The following MYO5B variants were observed in gnomAD, a reference collection of about 807,000 sequenced individuals.
MYO5B encodes the protein myosin VB.
In MYO5B, 143 loss-of-function variants were observed where a neutral mutation model predicts 229.3. The ratio of observed to expected loss-of-function variants is 0.62; its 90% confidence interval spans 0.54 to 0.72. The LOEUF (loss-of-function observed/expected upper bound fraction) is 0.72, where lower values mean the gene tolerates loss of function less well. Ranked by LOEUF, MYO5B falls within the 30% of genes least tolerant of loss-of-function variation. The pLI, the probability that MYO5B is intolerant of heterozygous loss-of-function variation, is 0.00. For synonymous variants in MYO5B, 918 were observed against 885.2 expected, an observed-to-expected ratio of 1.04 and a Z score of -0.66; for missense variants, 2,321 against 2,331.0, an observed-to-expected ratio of 1.00 and a Z score of 0.09.
rs2025570912 is a variant in MYO5B at position 49,962,484 on chromosome 18, T to A, written c.1405-78A>T. ...CACCTCCCCCAGGGGCTCAGTGAGT[T>A]CTGGGTTCTGGAGGACAGCAGAGAA... On this transcript the variant is annotated intron_variant, in intron 11 of 39. Coordinates refer to ENST00000285039, the MANE Select transcript of MYO5B (RefSeq NM_001080467.3). 3 of 1,589,824 alleles carry A rather than the reference T, an allele frequency of 1.9e-6. No homozygotes were observed. In the African/African-American group the frequency reaches 4.0e-5, roughly 21 times the overall value.
chr18:50,192,254 C>T (rs573443657), intron 1 of MYO5B, among the ~76,000 whole-genome samples: 35 of 152,314 alleles, frequency 2.3e-4, no homozygotes, highest in African/African-American at 8.4e-4. Flanking sequence ...AGATCAACTG[C>T]AGACAACAGC....
intron 7 of MYO5B, 67 bp downstream of exon 7, chr18:49,990,371 GC>G (rs1456774107): frequency 1.6e-5 from 21 of 1,337,136 alleles, no homozygotes; most frequent in African/African-American, 4.3e-5. Context: ...TTTGAGCAGA[GC>G]CCCCAGCTGT....
chr18:49,884,469 T>C (rs1220474272), intron 22 of MYO5B, among the ~76,000 whole-genome samples: 1 of 151,914 alleles, frequency 6.6e-6, no homozygotes, highest in African/African-American at 2.4e-5. Context: ...GATGGTCCTA[T>C]CTGGGGGTGA....
At chr18:49,927,738 A>G (rs2025145775) in intron 17 of MYO5B, among the ~76,000 whole-genome samples, 1 of 152,238 alleles carries the variant, frequency 6.6e-6, no homozygotes, top group Non-Finnish European at 1.5e-5. Flanking sequence ...CTCTACAAAA[A>G]TCAACTCAAG....
At position 49,992,302 on chromosome 18, in the gene MYO5B, T is replaced by C; in HGVS notation, c.742A>G (p.Arg248Gly). 6.2e-7 allele frequency: 1 copy of C among 1,614,210 alleles called. No homozygotes were observed. The highest frequency in any genetic ancestry group is 8.5e-7 in the Non-Finnish European group (1 of 1,180,018). ...CTCCCACTCACCTGGAAGACCACTC[T>C]GGACTTCTCCAAGAGGTAAGTCCTC... Reference protein sequence around the residue: ...NMRTYLLEKSRVVFQADDERN... With the variant: ...NMRTYLLEKSGVVFQADDERN... The change falls in exon 6 of 40, where the codon AGA becomes GGA. Residue 248 changes from arginine (R) to glycine (G), a missense_variant. By Grantham distance (125) the Arg-to-Gly change is moderately radical. Transcript: ENST00000285039.
intron 1 of MYO5B, among the ~76,000 whole-genome samples, chr18:50,150,583 A>G (rs2032582770): frequency 6.6e-6 from 1 of 152,014 alleles, no homozygotes; most frequent in Admixed American, 6.6e-5. Flanking sequence ...TATCGCAAGA[A>G]CAAAAAACCA....
chr18:50,028,109 G>A (rs915159487), intron 4 of MYO5B, among the ~76,000 whole-genome samples: 5 of 152,162 alleles, frequency 3.3e-5, no homozygotes, highest in African/African-American at 9.7e-5. Context: ...TTTCAGGGAT[G>A]TATACTATAC....
chr18:49,834,638 A>T (rs2023963737), intron 39 of MYO5B, among the ~76,000 whole-genome samples: 1 of 152,078 alleles, frequency 6.6e-6, no homozygotes, highest in Non-Finnish European at 1.5e-5. Context: ...CTAAAAGCAA[A>T]TATTGTCTTT....
At position 49,929,734 on chromosome 18, in the gene MYO5B, C is replaced by G. The variant is rs112394894; in HGVS notation, c.2004-136G>C. 4 of 784,662 alleles carry G rather than the reference C, an allele frequency of 5.1e-6. No homozygotes were observed. The Admixed American group carries it at 8.5e-5, about 17-fold the overall frequency. The allele number at this position is 784,662 out of a possible 1,614,324, so 48.6% of individuals were successfully genotyped here. A position where few individuals can be genotyped will look rare whatever the true frequency, so the allele number is the denominator to read the frequency against. On this transcript the variant is annotated intron_variant, in intron 16 of 39. Transcript: ENST00000285039. Reference sequence around the variant, plus strand: ...CACTGAGTTACAGCCACTGAGTTACCCTTGAGCTCAAGTCAGGGATTAGGC... The same window carrying G: ...CACTGAGTTACAGCCACTGAGTTACGCTTGAGCTCAAGTCAGGGATTAGGC...
chr18:50,068,435 C>G (rs576992601), intron 1 of MYO5B, among the ~76,000 whole-genome samples: 104 of 152,326 alleles, frequency 6.8e-4, no homozygotes, highest in African/African-American at 2.4e-3. Flanking sequence ...GGCTCCAAGG[C>G]CTTCCTGGGG....
chr18:50,194,936 TTCCCGCAGGCGCCGCGGCCGGCTCGC>T lies in MYO5B; in HGVS notation c.-169_-144del, dbSNP rs1156826588. The T allele has an allele frequency of 1.6e-4, 177 of 1,090,734 alleles. No individual in the cohort carries two copies. The highest frequency in any genetic ancestry group is 1.0e-3 in the Admixed American group (22 of 21,948). 67.6% of individuals were successfully genotyped at this position (1,090,734 alleles called of 1,614,324 possible). On this transcript the variant is annotated 5_prime_UTR_variant, in exon 1 of 40. Transcript: ENST00000285039. ...CTCTTCTCCGACCTGCCCCGCCGGCTTCCCGCAGGCGCCGCGGCCGGCTCGCTCCCGGCGGCGCGACCTTTACTCCC... is the reference window on the plus strand; with the variant it reads ...CTCTTCTCCGACCTGCCCCGCCGGCTTCCCGGCGGCGCGACCTTTACTCCC...
At chr18:49,941,517 T>G (rs1448811153) in intron 14 of MYO5B, among the ~76,000 whole-genome samples, 1 of 152,112 alleles carries the variant, frequency 6.6e-6, no homozygotes, top group African/African-American at 2.4e-5. Flanking sequence ...AAGAGACAAA[T>G]CCCTGCTAAG....
At chr18:50,186,545 C>T (rs2033151851) in intron 1 of MYO5B, among the ~76,000 whole-genome samples, 1 of 152,106 alleles carries the variant, frequency 6.6e-6, no homozygotes, top group African/African-American at 2.4e-5. Flanking sequence ...TGTAGCAATC[C>T]TACTTCCTCT....
At chr18:50,051,032 T>C (rs1381411252) in intron 2 of MYO5B, among the ~76,000 whole-genome samples, 1 of 152,248 alleles carries the variant, frequency 6.6e-6, no homozygotes, top group Non-Finnish European at 1.5e-5. Context: ...ACTACTCTTA[T>C]GTGTTTACAC....
intron 31 of MYO5B, 123 bp downstream of exon 31, chr18:49,853,326 T>A: frequency 1.0e-6 from 1 of 960,382 alleles, no homozygotes; most frequent in South Asian, 1.4e-5. Context: ...TTCTAGAATC[T>A]CTGTTCCTAC....
intron 34 of MYO5B, among the ~76,000 whole-genome samples, chr18:49,842,026 C>T (rs1053629145): frequency 6.6e-5 from 10 of 151,396 alleles, no homozygotes; most frequent in Non-Finnish European, 1.5e-4. Context: ...GATGACTTCA[C>T]GCAGCTCATT....
chr18:49,972,712 T>C (rs1398122497), intron 10 of MYO5B, among the ~76,000 whole-genome samples: 2 of 152,098 alleles, frequency 1.3e-5, no homozygotes, highest in Non-Finnish European at 2.9e-5. Context: ...TAATTAATGA[T>C]TGACAATGAG....
intron 14 of MYO5B, among the ~76,000 whole-genome samples, chr18:49,939,587 C>T (rs2025291306): frequency 6.6e-6 from 1 of 152,098 alleles, no homozygotes; most frequent in Non-Finnish European, 1.5e-5. Flanking sequence ...AGGATGTAGG[C>T]GACTGGGGAG....
chr18:50,052,201 C>G (rs1321974635), intron 2 of MYO5B, among the ~76,000 whole-genome samples: 2 of 152,144 alleles, frequency 1.3e-5, no homozygotes, highest in Non-Finnish European at 2.9e-5. Context: ...CATCCCATTA[C>G]TGGGTATATA....
Sources: allele counts gnomAD v4.1 joint callset (sites outside exome capture counted in the v4.1 genomes callset), GRCh38; gene constraint gnomAD v4.1.1; transcripts MANE v1.5; gene names NCBI Gene and HGNC (gene_info 2026-07-23, HGNC 2026-07-21).